The following ZDHHC13 variants were observed in gnomAD, a reference collection of about 807,000 sequenced individuals.
ZDHHC13 encodes palmitoyltransferase ZDHHC13.
In ZDHHC13, 85 loss-of-function variants were observed where a neutral mutation model predicts 86.0. That is an observed-to-expected ratio of 0.99 (90% CI 0.83 to 1.18). The LOEUF (loss-of-function observed/expected upper bound fraction) is 1.18, where lower values mean the gene tolerates loss of function less well. Among genes scored for constraint, ZDHHC13 ranks in the 50% most tolerant of loss-of-function variants. ZDHHC13 has a pLI of 0.00. For synonymous variants in ZDHHC13, 263 were observed against 246.4 expected, an observed-to-expected ratio of 1.07 and a Z score of -0.63; for missense variants, 711 against 730.2, an observed-to-expected ratio of 0.97 and a Z score of 0.30.
At chr11:19,122,897 A>G (rs145771791) in intron 1 of ZDHHC13, among the ~76,000 whole-genome samples, 9 of 152,320 alleles carry the variant, frequency 5.9e-5, no homozygotes, top group Non-Finnish European at 1.3e-4. Context: ...TTCAAACACA[A>G]GCTTTGAATA....
chr11:19,146,378 A>T (rs1849467792), intron 3 of ZDHHC13, 75 bp downstream of exon 3: 1 of 1,523,388 alleles, frequency 6.6e-7, no homozygotes, highest in East Asian at 2.3e-5. Context: ...TTCTTTAAGT[A>T]TGGGTATTGA....
intron 8 of ZDHHC13, 47 bp downstream of exon 8, chr11:19,152,731 T>G: frequency 1.9e-6 from 3 of 1,609,398 alleles, no homozygotes; most frequent in Non-Finnish European, 2.5e-6. Context: ...ACTTTTTTTG[T>G]TCATTTGGTT....
At chr11:19,122,310 G>A (rs942261562) in intron 1 of ZDHHC13, among the ~76,000 whole-genome samples, 4 of 152,106 alleles carry the variant, frequency 2.6e-5, no homozygotes, top group African/African-American at 9.7e-5. Context: ...TTTTTTCCAA[G>A]GGGGTACTGA....
chr11:19,129,947 ATG>A (rs1241151384), intron 1 of ZDHHC13, among the ~76,000 whole-genome samples: 1 of 152,044 alleles, frequency 6.6e-6, no homozygotes, highest in Non-Finnish European at 1.5e-5. Context: ...AAAAAGCCGG[ATG>A]TGGTGGCACG....
chr11:19,151,976 T>C (rs1022755439), intron 6 of ZDHHC13, among the ~76,000 whole-genome samples, 182 bp from the exon 7 acceptor site: 4 of 152,118 alleles, frequency 2.6e-5, no homozygotes, highest in Non-Finnish European at 5.9e-5. Context: ...TTAATAGATG[T>C]CTTTTTTTTT....
intron 2 of ZDHHC13, among the ~76,000 whole-genome samples, chr11:19,144,914 G>A (rs1255254997): frequency 5.3e-5 from 8 of 152,106 alleles, no homozygotes; most frequent in African/African-American, 9.7e-5. Flanking sequence ...TCAGGACTTC[G>A]AGACCAGCCT....
chr11:19,157,934 G>C (rs1849803981), intron 9 of ZDHHC13, among the ~76,000 whole-genome samples: 1 of 152,210 alleles, frequency 6.6e-6, no homozygotes, highest in African/African-American at 2.4e-5. Flanking sequence ...GATCTGGGCT[G>C]TTAACCTGAC....
At chr11:19,171,529 T>C (rs970149323) in intron 15 of ZDHHC13, among the ~76,000 whole-genome samples, 3 of 152,152 alleles carry the variant, frequency 2.0e-5, no homozygotes, top group Non-Finnish European at 4.4e-5. Flanking sequence ...TTAATAATAT[T>C]GACTAAACTG....
rs1439940856 is a variant in ZDHHC13, at chr11:19,150,779, A to AC, written c.573dup (p.Lys192GlnfsTer15). On this transcript the variant is annotated frameshift_variant, in exon 6 of 17. Transcript: ENST00000446113. LOFTEE classifies it high-confidence loss of function. ...CAGACACCTCTCATGTTATCAGCTC[A>AC]CAAAGTAATTGGGTGAGTTTAATTT... is the stretch of plus-strand genomic sequence containing the variant. The AC allele has an allele frequency of 1.2e-6, 2 of 1,610,588 alleles. No homozygotes were observed. The highest frequency in any genetic ancestry group is 2.2e-5 in the South Asian group (2 of 90,774).
chr11:19,164,716 G>A (rs1590089097), intron 12 of ZDHHC13: 3 of 411,490 alleles, frequency 7.3e-6, no homozygotes, highest in South Asian at 6.6e-5. Flanking sequence ...AATCAAGGGA[G>A]GAAGTAAATT....
intron 1 of ZDHHC13, among the ~76,000 whole-genome samples, chr11:19,126,178 C>G (rs1367533095): frequency 2.0e-5 from 3 of 151,894 alleles, no homozygotes; most frequent in Admixed American, 6.6e-5. Flanking sequence ...GTTATATACA[C>G]AAACTTATGT....
intron 1 of ZDHHC13, among the ~76,000 whole-genome samples, chr11:19,140,505 T>G (rs1849281787): frequency 6.6e-6 from 1 of 152,202 alleles, no homozygotes; most frequent in South Asian, 2.1e-4. Flanking sequence ...GAAGTCAGTG[T>G]GGCGATTCCT....
At chr11:19,164,933 A>G in intron 12 of ZDHHC13, 119 bp from the exon 13 acceptor site, 1 of 732,604 alleles carries the variant, frequency 1.4e-6, no homozygotes, top group Non-Finnish European at 2.3e-6. Context: ...GTGTGAATTG[A>G]TGGTCTGTTT....
chr11:19,139,347 C>G (rs2133391742), intron 1 of ZDHHC13, among the ~76,000 whole-genome samples: 1 of 152,002 alleles, frequency 6.6e-6, no homozygotes, highest in South Asian at 2.1e-4. Context: ...CCTAGCAATC[C>G]AACTTACAAG....
chr11:19,119,578 G>A (rs935602256), intron 1 of ZDHHC13, among the ~76,000 whole-genome samples: 4 of 152,096 alleles, frequency 2.6e-5, no homozygotes, highest in African/African-American at 9.7e-5. Context: ...TGTGACCCCC[G>A]TATTTAAAAT....
At chr11:19,163,983 A>G (rs1849984814) in intron 11 of ZDHHC13, among the ~76,000 whole-genome samples, 1 of 152,060 alleles carries the variant, frequency 6.6e-6, no homozygotes, top group Admixed American at 6.6e-5. Flanking sequence ...TTCTTTTTTA[A>G]TGTGTGTGTA....
intron 1 of ZDHHC13, among the ~76,000 whole-genome samples, chr11:19,138,343 C>G (rs1481057811): frequency 6.6e-5 from 10 of 151,972 alleles, no homozygotes; most frequent in Non-Finnish European, 1.5e-4. Context: ...AACACATACA[C>G]TCTCCCAAGA....
intron 16 of ZDHHC13, among the ~76,000 whole-genome samples, chr11:19,174,333 A>G (rs1368098754): frequency 6.6e-6 from 1 of 152,228 alleles, no homozygotes; most frequent in Non-Finnish European, 1.5e-5. Context: ...CAGGTAACTG[A>G]AACTGAAACC....
At chr11:19,171,399 T>C (rs1850216879) in intron 15 of ZDHHC13, among the ~76,000 whole-genome samples, 1 of 152,072 alleles carries the variant, frequency 6.6e-6, no homozygotes, top group African/African-American at 2.4e-5. Context: ...ATATTCCACT[T>C]TTATGGGAAA....
Sources: allele counts gnomAD v4.1 joint callset (sites outside exome capture counted in the v4.1 genomes callset), GRCh38; gene constraint gnomAD v4.1.1; transcripts MANE v1.5; gene names NCBI Gene and HGNC (gene_info 2026-07-23, HGNC 2026-07-21).